IST1: variants seen among roughly 807,000 people sequenced by gnomAD.
IST1 encodes the protein IST1 homolog.
IST1 carries 23 observed loss-of-function variants against 37.0 expected under a neutral mutation model. The observed-to-expected ratio is 0.62, with a 90% CI of 0.45 to 0.88. The LOEUF (loss-of-function observed/expected upper bound fraction) is 0.88, where lower values mean the gene tolerates loss of function less well. Among genes scored for constraint, IST1 ranks in the 40% least tolerant of loss-of-function variants. IST1 has a pLI of 0.00. For synonymous variants in IST1, 180 were observed against 161.7 expected, an observed-to-expected ratio of 1.11 and a Z score of -0.86; for missense variants, 488 against 445.4, an observed-to-expected ratio of 1.10 and a Z score of -0.86.
intron 4 of IST1, among the ~76,000 whole-genome samples, chr16:71,919,995 G>T (rs1395912234): frequency 6.6e-6 from 1 of 152,174 alleles, no homozygotes; most frequent in East Asian, 1.9e-4. Flanking sequence ...ACTGAACAAA[G>T]GGGGTAAAAA....
intron 4 of IST1, among the ~76,000 whole-genome samples, chr16:71,917,822 G>C (rs2037498595): frequency 6.6e-6 from 1 of 151,496 alleles, no homozygotes; most frequent in African/African-American, 2.4e-5. Flanking sequence ...TTTGTTTCAT[G>C]GCTACAATTT....
chr16:71,898,416 G>C (rs931809060), intron 1 of IST1, among the ~76,000 whole-genome samples: 1 of 151,456 alleles, frequency 6.6e-6, no homozygotes, highest in African/African-American at 2.4e-5. Context: ...GGGCACTGTG[G>C]CTCATGCCTG....
rs2142597374 is a variant in IST1, at chr16:71,924,098, G to GT, written c.853-669dup. 6.6e-6 allele frequency: 3 copies of GT among 455,976 alleles called. No individual in the cohort carries two copies. In the East Asian group the frequency reaches 2.1e-4, roughly 32 times the overall value. The allele number at this position is 455,976 out of a possible 1,614,324, so 28.2% of individuals were successfully genotyped here. ...TTTGGTTCCCATCTGTAGCTGATGT[G>GT]TTCTACCTTGGGCCTGAGTTTTTCT... On this transcript the variant is annotated intron_variant, in intron 8 of 9. Coordinates refer to ENST00000378799, the MANE Select transcript of IST1 (RefSeq NM_001270975.2).
chr16:71,920,630 G>T (rs372114826), intron 4 of IST1, 109 bp from the exon 5 acceptor site: 11 of 717,154 alleles, frequency 1.5e-5, no homozygotes, highest in South Asian at 3.4e-5. Flanking sequence ...GCAGACTCCA[G>T]TGTTTTGGAA....
At chr16:71,897,638 T>G (rs553729519) in intron 1 of IST1, among the ~76,000 whole-genome samples, 2 of 152,176 alleles carry the variant, frequency 1.3e-5, no homozygotes, top group Admixed American at 6.5e-5. Flanking sequence ...TTTGGAGAAT[T>G]GGTAAGAAAA....
rs1448073665 is a variant in IST1, at chr16:71,923,364, C to G, written c.836C>G (p.Pro279Arg). The change falls in exon 8 of 10, where the codon CCC becomes CGC. Residue 279 changes from proline to arginine, a missense_variant. By Grantham distance (103) the Pro-to-Arg change is moderately radical. This residue lies in a region of IST1 where 455 missense variants were observed against 386.2 expected (regional missense o/e 1.18). Transcript: ENST00000378799. ...CATCCACCTCAGATACCAGCAACTCCCCCATCGTATGAATCTGTAAGTGCC... is the reference window on the plus strand; with the variant it reads ...CATCCACCTCAGATACCAGCAACTCGCCCATCGTATGAATCTGTAAGTGCC... ...NIHPPQIPAT[P>R]PSYESVDDIN... 1 of 1,606,886 alleles carries G rather than the reference C, an allele frequency of 6.2e-7. No individual in the cohort carries two copies. Among genetic ancestry groups the G allele is most frequent in the Admixed American group, 1.7e-5 (1 of 59,910 alleles).
In IST1 at chr16:71,930,458, CAT is replaced by C. The variant is rs74559371; in HGVS notation, c.*2646_*2647del. ...GGAATTGGAAATGATTCAAATGTCA[CAT>C]GAGTTTTGGCAAAAAATACATCTAA... On this transcript the variant is annotated 3_prime_UTR_variant, in exon 10 of 10. Coordinates refer to ENST00000378799, the MANE Select transcript of IST1 (RefSeq NM_001270975.2). 40,260 of 272,184 alleles carry C rather than the reference CAT, an allele frequency of 0.15. 3,646 individuals carry two copies. Among genetic ancestry groups the C allele is most frequent in the South Asian group, 0.38 (2,719 of 7,184 alleles). The allele number at this position is 272,184 out of a possible 1,614,324, so 16.9% of individuals were successfully genotyped here. A position where few individuals can be genotyped will look rare whatever the true frequency, so the allele number is the denominator to read the frequency against.
chr16:71,894,638 G>C (rs1354025998), upstream of IST1: 1 of 521,786 alleles, frequency 1.9e-6, no homozygotes, highest in Admixed American at 3.3e-5. Context: ...CGATCTTCCT[G>C]CCTCAGCCTC....
chr16:71,896,942 C>T (rs1034889700), intron 1 of IST1, among the ~76,000 whole-genome samples: 17 of 150,920 alleles, frequency 1.1e-4, no homozygotes, highest in Non-Finnish European at 2.2e-4. Flanking sequence ...GCATTTCAGT[C>T]TGGAGGACAG....
At chr16:71,910,144 TA>T (rs762284922) in intron 1 of IST1, among the ~76,000 whole-genome samples, 1 of 152,196 alleles carries the variant, frequency 6.6e-6, no homozygotes, top group Non-Finnish European at 1.5e-5. Flanking sequence ...ATTGCAGGAA[TA>T]AACAGTTCAT....
chr16:71,915,900 G>A (rs921404897), intron 2 of IST1, among the ~76,000 whole-genome samples, 172 bp downstream of exon 2: 3 of 151,238 alleles, frequency 2.0e-5, no homozygotes, highest in African/African-American at 4.9e-5. Flanking sequence ...GTGTGATCTC[G>A]GCTCACTGCA....
chr16:71,894,734 C>T, upstream of IST1: 3 of 566,494 alleles, frequency 5.3e-6, no homozygotes, highest in Non-Finnish European at 8.9e-6. Flanking sequence ...TGCGGTTTCA[C>T]TATGGTGTCC....
intron 9 of IST1, among the ~76,000 whole-genome samples, chr16:71,925,854 CGTTCTTAGCCCAGGA>C (rs920267415): frequency 2.0e-5 from 3 of 152,084 alleles, no homozygotes; most frequent in African/African-American, 7.2e-5. Flanking sequence ...ACTCAAGAGG[CGTTCTTAGCCCAGGA>C]GTTCAAGATT....
At chr16:71,916,939 A>G (rs755820483) in intron 3 of IST1, 108 bp from the exon 4 acceptor site, 11 of 679,716 alleles carry the variant, frequency 1.6e-5, no homozygotes, top group Non-Finnish European at 2.4e-5. Flanking sequence ...GTGAGAATCT[A>G]GTGAGATTCA....
chr16:71,917,742 C>G (rs1031517847), intron 4 of IST1, among the ~76,000 whole-genome samples: 1 of 152,094 alleles, frequency 6.6e-6, no homozygotes, highest in Non-Finnish European at 1.5e-5. Flanking sequence ...CTCAACCCAT[C>G]TACTGAGATT....
At chr16:71,925,972 CAGAGGGA>C (rs2037732586) in intron 9 of IST1, among the ~76,000 whole-genome samples, 1 of 151,372 alleles carries the variant, frequency 6.6e-6, no homozygotes, top group Admixed American at 6.6e-5. Context: ...CAGCAAAAAC[CAGAGGGA>C]AGAATACTTT....
At chr16:71,913,523 CAG>C (rs767151384) in intron 1 of IST1, among the ~76,000 whole-genome samples, 2 of 152,116 alleles carry the variant, frequency 1.3e-5, no homozygotes, top group Non-Finnish European at 1.5e-5. Flanking sequence ...GTTTTTGAGA[CAG>C]AGTCTTGCTC....
intron 2 of IST1, 40 bp from the exon 3 acceptor site, chr16:71,916,422 G>A: frequency 1.2e-6 from 2 of 1,600,728 alleles, no homozygotes; most frequent in Non-Finnish European, 1.7e-6. Flanking sequence ...AGATGCAAGT[G>A]CTCTACTGCT....
chr16:71,899,653 A>G (rs1597230038), intron 1 of IST1, among the ~76,000 whole-genome samples: 1 of 152,176 alleles, frequency 6.6e-6, no homozygotes, highest in South Asian at 2.1e-4. Context: ...AGGCGGGTGG[A>G]TCACCTGAGG....
Sources: gnomAD v4.1 joint callset for allele counts (sites outside exome capture counted in the v4.1 genomes callset) on GRCh38, gnomAD v4.1.1 for gene constraint, gnomAD v4.1.1 regional missense constraint, MANE v1.5 for transcripts, NCBI Gene and HGNC (gene_info 2026-07-23, HGNC 2026-07-21) for gene names.